The following PITPNM3 variants were observed in gnomAD, a reference collection of about 807,000 sequenced individuals.
The protein encoded by PITPNM3 is PITPNM family member 3.
A neutral mutation model predicts 102.0 loss-of-function variants in PITPNM3; 26 were observed. The observed-to-expected ratio is 0.25, with a 90% CI of 0.19 to 0.35. The LOEUF (loss-of-function observed/expected upper bound fraction) is 0.35, where lower values mean the gene tolerates loss of function less well. Ranked by LOEUF, PITPNM3 falls within the 10% of genes least tolerant of loss-of-function variation. PITPNM3 has a pLI of 1.00. For missense variants in PITPNM3, 1,083 were observed against 1,346.1 expected (o/e 0.80, Z 3.06); for synonymous variants, 578 against 558.6 (o/e 1.03, Z -0.49).
At chr17:6,498,978 C>A (rs889687623) in intron 4 of PITPNM3, among the ~76,000 whole-genome samples, 1 of 152,120 alleles carries the variant, frequency 6.6e-6, no homozygotes, top group African/African-American at 2.4e-5. Context: ...GAGGTGGCAA[C>A]AGAAGACCCC....
intron 4 of PITPNM3, among the ~76,000 whole-genome samples, chr17:6,492,353 G>A (rs112275316): frequency 3.3e-5 from 5 of 151,858 alleles, no homozygotes; most frequent in African/African-American, 9.7e-5. Context: ...ATGAGCCACT[G>A]TGCCCAGCCT....
chr17:6,510,620 T>C (rs1311933557), intron 3 of PITPNM3, among the ~76,000 whole-genome samples: 1 of 152,252 alleles, frequency 6.6e-6, no homozygotes, highest in Non-Finnish European at 1.5e-5. Flanking sequence ...TGTCCATTCC[T>C]GTGCATTGCA....
intron 1 of PITPNM3, among the ~76,000 whole-genome samples, chr17:6,539,600 T>G (rs771159908): frequency 1.3e-5 from 2 of 152,134 alleles, no homozygotes; most frequent in Non-Finnish European, 2.9e-5. Flanking sequence ...CCCTTTAAAA[T>G]AGCGCACACA....
At chr17:6,483,869 G>A in intron 5 of PITPNM3, 117 bp from the exon 6 acceptor site, 1 of 912,656 alleles carries the variant, frequency 1.1e-6, no homozygotes, top group Admixed American at 2.0e-5. Flanking sequence ...GCACACACGG[G>A]GAGACTGAGG....
Position 6,478,771 on chromosome 17 carries a change from G to T in PITPNM3, c.588-35C>A. 6.5e-7 allele frequency: 1 copy of T among 1,531,722 alleles called. No individual in the cohort carries two copies. Among genetic ancestry groups the T allele is most frequent in the Non-Finnish European group, 8.8e-7 (1 of 1,139,624 alleles). The allele number at this position is 1,531,722 out of a possible 1,614,324, so 94.9% of individuals were successfully genotyped here. A position where few individuals can be genotyped will look rare whatever the true frequency, so the allele number is the denominator to read the frequency against. On this transcript the variant is annotated intron_variant, in intron 6 of 19. Transcript: ENST00000262483. The surrounding 1 kb of genome is among the most constrained non-coding windows in gnomAD (Gnocchi z 4.4). ...GGGGGCCCAAGGTGAGCCCAGCCAG[G>T]ATCGGGCAGGTTGGCAGGTTTGGGG...
chr17:6,552,018 A>G (rs1910334806), intron 1 of PITPNM3, among the ~76,000 whole-genome samples: 1 of 152,172 alleles, frequency 6.6e-6, no homozygotes, highest in Non-Finnish European at 1.5e-5. Flanking sequence ...TCAGCGACCC[A>G]TTGTTAACGA....
chr17:6,503,475 T>C, intron 4 of PITPNM3, 52 bp downstream of exon 4: 1 of 1,586,428 alleles, frequency 6.3e-7, no homozygotes, highest in African/African-American at 1.3e-5. Flanking sequence ...CTCAATGAGC[T>C]TGCACCCATC....
chr17:6,553,892 T>C (rs933568639), intron 1 of PITPNM3, among the ~76,000 whole-genome samples: 3 of 152,216 alleles, frequency 2.0e-5, no homozygotes, highest in Admixed American at 6.5e-5. Context: ...GATGGGTTCC[T>C]GATCTCCAAG....
Position 6,499,343 on chromosome 17 carries a change from C to T in PITPNM3, c.274+4184G>A, listed in dbSNP as rs369080887. 1.1e-4 allele frequency among the ~76,000 whole-genome samples: 16 copies of T among 152,342 alleles called. No homozygotes were observed. The East Asian group carries it at 2.7e-3, about 26-fold the overall frequency. On this transcript the variant is annotated intron_variant, in intron 4 of 19. Transcript: ENST00000262483. Reference sequence around the variant, plus strand: ...ACAAGCCCTTGCAACCTCATACCTGCGCATGCCTGAGAGGCCCATGGAGAC... The same window carrying T: ...ACAAGCCCTTGCAACCTCATACCTGTGCATGCCTGAGAGGCCCATGGAGAC...
chr17:6,475,806 G>T (rs1255870721), intron 9 of PITPNM3, among the ~76,000 whole-genome samples: 2 of 152,194 alleles, frequency 1.3e-5, no homozygotes, highest in African/African-American at 2.4e-5. Flanking sequence ...GATGAGCCAG[G>T]ACTGTTGAGA....
chr17:6,531,777 A>G (rs750562133), intron 2 of PITPNM3, among the ~76,000 whole-genome samples: 1 of 152,086 alleles, frequency 6.6e-6, no homozygotes, highest in African/African-American at 2.4e-5. Flanking sequence ...TCCCTGGCTC[A>G]CTCTGGCCAC....
intron 10 of PITPNM3, 33 bp downstream of exon 10, chr17:6,474,399 G>C: frequency 4.4e-6 from 7 of 1,608,472 alleles, no homozygotes; most frequent in Non-Finnish European, 5.9e-6. Context: ...GTGACGCACA[G>C]GCACCTCAGG....
intron 2 of PITPNM3, among the ~76,000 whole-genome samples, chr17:6,528,586 T>C (rs774541180): frequency 3.9e-5 from 6 of 152,118 alleles, no homozygotes; most frequent in Non-Finnish European, 8.8e-5. Context: ...TGCATGTGTG[T>C]GCATATGTGT....
intron 2 of PITPNM3, among the ~76,000 whole-genome samples, chr17:6,536,323 C>CT (rs1297419539): frequency 6.6e-6 from 1 of 152,214 alleles, no homozygotes; most frequent in Non-Finnish European, 1.5e-5. Context: ...ACAGATGCCT[C>CT]TGTCGTCAGC....
Position 6,478,639 on chromosome 17 carries a change from A to G in PITPNM3, c.685T>C (p.Tyr229His), listed in dbSNP as rs200885507. ...LPLLAISSPQYQDAVATVIER... is the reference protein window; with the variant it reads ...LPLLAISSPQHQDAVATVIER... The stretch of plus-strand genomic sequence containing the variant: ...ATGACGGTGGCGACAGCATCCTGGT[A>G]CTGCGGGGAGGAGATGGCCAACAGG... Residue 229 changes from tyrosine (Y) to histidine (H), a missense_variant, in exon 7 of 20, where the codon TAC becomes CAC. Coordinates refer to ENST00000262483, the MANE Select transcript of PITPNM3 (RefSeq NM_031220.4). The surrounding 1 kb of genome is among the most constrained non-coding windows in gnomAD (Gnocchi z 4.4). 6.2e-7 allele frequency: 1 copy of G among 1,613,940 alleles called. No homozygotes were observed. Among genetic ancestry groups the G allele is most frequent in the East Asian group, 2.2e-5 (1 of 44,850 alleles).
chr17:6,516,161 G>C lies in PITPNM3; in HGVS notation c.226+9195C>G, dbSNP rs538579705. 1.6e-4 allele frequency among the ~76,000 whole-genome samples: 24 copies of C among 152,264 alleles called. 1 individual carries two copies. In the South Asian group the frequency reaches 4.4e-3, roughly 28 times the overall value. On this transcript the variant is annotated intron_variant, in intron 3 of 19. Coordinates refer to ENST00000262483, the MANE Select transcript of PITPNM3 (RefSeq NM_031220.4). The stretch of plus-strand genomic sequence containing the variant: ...GAATGGAGACTGATGAAGAGAAAAT[G>C]GGTGAGCTGTTGGTTAGAGTCAAAG...
chr17:6,465,648 G>A (rs948438425), intron 14 of PITPNM3, among the ~76,000 whole-genome samples: 2 of 152,020 alleles, frequency 1.3e-5, no homozygotes, highest in Admixed American at 6.5e-5. Flanking sequence ...CCCCAGCCTC[G>A]GCCCCAGCCC....
At chr17:6,542,709 G>A (rs1010405691) in intron 1 of PITPNM3, among the ~76,000 whole-genome samples, 3 of 152,226 alleles carry the variant, frequency 2.0e-5, no homozygotes, top group African/African-American at 7.2e-5. Context: ...CTTGGAAATG[G>A]TGGCCTTGTC....
rs1006729205 is a variant in PITPNM3 at position 6,537,026 on chromosome 17, G to C, written c.118+961C>G. On this transcript the variant is annotated intron_variant, in intron 2 of 19. Coordinates refer to ENST00000262483, the MANE Select transcript of PITPNM3 (RefSeq NM_031220.4). This position sits in a 1 kb window ranked among gnomAD's most constrained non-coding sequence, Gnocchi z 4.4. ...TGCCTGTACACCTGCCTGGGTACTC[G>C]TGCCTCTGAGCCTTCAAGGCTGATC... 1.3e-5 allele frequency among the ~76,000 whole-genome samples: 2 copies of C among 152,104 alleles called. No individual in the cohort carries two copies. The highest frequency in any genetic ancestry group is 2.9e-5 in the Non-Finnish European group (2 of 68,010).
Sources: allele counts gnomAD v4.1 joint callset (sites outside exome capture counted in the v4.1 genomes callset), GRCh38; gene constraint gnomAD v4.1.1; non-coding constraint Gnocchi (gnomAD v3.1); transcripts MANE v1.5; gene names NCBI Gene and HGNC (gene_info 2026-07-23, HGNC 2026-07-21).